The following NFATC2 variants were observed in gnomAD, a reference collection of about 807,000 sequenced individuals.
NFATC2 encodes the protein nuclear factor of activated T-cells, cytoplasmic 2.
Under a neutral mutation model 87.3 loss-of-function variants are expected in NFATC2, and 22 were observed. The observed-to-expected ratio is 0.25, with a 90% CI of 0.18 to 0.36. The LOEUF is 0.36. Ranked by LOEUF, NFATC2 falls within the 10% of genes least tolerant of loss-of-function variation. The pLI is 1.00. For missense variants in NFATC2, 1,149 were observed against 1,259.1 expected (o/e 0.91, Z 1.32); for synonymous variants, 565 against 542.2 (o/e 1.04, Z -0.58).
At chr20:51,446,219 C>T (rs1199317039) in intron 6 of NFATC2, among the ~76,000 whole-genome samples, 2 of 152,180 alleles carry the variant, frequency 1.3e-5, no homozygotes, top group Non-Finnish European at 2.9e-5. Flanking sequence ...GAATTCACCT[C>T]GCCAAGAAGG....
At chr20:51,556,148 A>C (rs2076976224) in intron 1 of NFATC2, among the ~76,000 whole-genome samples, 1 of 152,220 alleles carries the variant, frequency 6.6e-6, no homozygotes, top group Non-Finnish European at 1.5e-5. Context: ...AAGGGTCTCC[A>C]GGAGCCACTG....
At chr20:51,489,995 C>T (rs2075854884) in intron 3 of NFATC2, among the ~76,000 whole-genome samples, 1 of 152,190 alleles carries the variant, frequency 6.6e-6, no homozygotes. Flanking sequence ...TTAAAAGGTG[C>T]CAGGCCTGGC....
intron 10 of NFATC2, 79 bp downstream of exon 10, chr20:51,398,564 T>A: frequency 3.3e-6 from 3 of 904,974 alleles, no homozygotes; most frequent in Non-Finnish European, 4.6e-6. Flanking sequence ...TTTCTTATAC[T>A]TTACTTAAAA....
At chr20:51,460,926 C>T (rs987443409) in intron 5 of NFATC2, among the ~76,000 whole-genome samples, 3 of 152,170 alleles carry the variant, frequency 2.0e-5, no homozygotes, top group South Asian at 4.1e-4. Context: ...CCCAATCTCT[C>T]GGGCAGAGGC....
intron 9 of NFATC2, among the ~76,000 whole-genome samples, chr20:51,424,332 C>A (rs1600702825): frequency 6.6e-6 from 1 of 152,186 alleles, no homozygotes; most frequent in Admixed American, 6.5e-5. Context: ...CCTGGCTCTT[C>A]GTCAGAGCCT....
rs1254898046 is a variant in NFATC2, at chr20:51,432,115, C to T, written c.2674G>A (p.Val892Met). Residue 892 changes from valine to methionine, a missense_variant, in exon 9 of 11, where the codon GTG becomes ATG. Val to Met is a conservative substitution (Grantham distance 21, BLOSUM62 1). This residue lies in a region of NFATC2 where 581 missense variants were observed against 649.7 expected (regional missense o/e 0.89). Transcript: ENST00000371564. The surrounding 1 kb of genome is among the most constrained non-coding windows in gnomAD (Gnocchi z 4.6). Reference sequence around the variant, plus strand: ...AAGTTCTGCTCCTGTTTAATGGTCACCCCCGCAGGTAATACTTCCTTTTGG... The same window carrying T: ...AAGTTCTGCTCCTGTTTAATGGTCATCCCCGCAGGTAATACTTCCTTTTGG... ...SDQKEVLPAG[V>M]TIKQEQNLDQ... The T allele has an allele frequency of 1.9e-6, 3 of 1,564,388 alleles. No individual in the cohort carries two copies. The highest frequency in any genetic ancestry group is 2.6e-6 in the Non-Finnish European group (3 of 1,151,880).
At chr20:51,422,967 T>C (rs553480410) in intron 9 of NFATC2, among the ~76,000 whole-genome samples, 1 of 151,432 alleles carries the variant, frequency 6.6e-6, no homozygotes, top group Non-Finnish European at 1.5e-5. Context: ...AGCGCTGATA[T>C]TAGAAAGTTA....
chr20:51,535,360 A>G (rs1375874932), intron 1 of NFATC2, among the ~76,000 whole-genome samples: 2 of 152,244 alleles, frequency 1.3e-5, no homozygotes, highest in African/African-American at 2.4e-5. Context: ...CCCCTCGCAC[A>G]GCCTGAAAGG....
Position 51,454,683 on chromosome 20 carries a change from G to T in NFATC2, c.1714C>A (p.Arg572=). The part of the protein sequence containing the change: ...TASNPIECSQ[R]SAHELPMVER... Reference sequence around the variant, plus strand: ...ACCATGGGCAGCTCGTGAGCAGATCGCTGGGCTGCAGGCAAAAGAGAGAGA... The same window carrying T: ...ACCATGGGCAGCTCGTGAGCAGATCTCTGGGCTGCAGGCAAAAGAGAGAGA... Residue 572 remains arginine, a synonymous_variant, in exon 6 of 11, where the codon CGA becomes AGA. Transcript: ENST00000371564. The T allele has an allele frequency of 6.2e-7, 1 of 1,613,818 alleles. No homozygotes were observed. The highest frequency in any genetic ancestry group is 1.1e-5 in the South Asian group (1 of 91,060).
chr20:51,437,235 T>C (rs552191310), intron 6 of NFATC2, among the ~76,000 whole-genome samples: 5 of 152,364 alleles, frequency 3.3e-5, no homozygotes, highest in African/African-American at 1.2e-4. Context: ...CCAGGGTGTT[T>C]TGTGGAACAC....
At chr20:51,540,765 C>A (rs1051453927) in intron 1 of NFATC2, among the ~76,000 whole-genome samples, 2 of 148,360 alleles carry the variant, frequency 1.3e-5, no homozygotes, top group African/African-American at 5.0e-5. Flanking sequence ...ATAAAAAGTA[C>A]CTCCCTTCAG....
In NFATC2 at chr20:51,413,908, A is replaced by G. The variant is rs537310325; in HGVS notation, c.2723-15178T>C. On this transcript the variant is annotated intron_variant, in intron 9 of 10. Coordinates refer to ENST00000371564, the MANE Select transcript of NFATC2 (RefSeq NM_012340.5). ...ATAAAATGCCTCTGCGGCTGCCATG[A>G]GGGTTAAATGAGCTAATGCAGCAAA... Among the ~76,000 whole-genome samples, 171 of 152,348 alleles carry G rather than the reference A, an allele frequency of 1.1e-3. 3 individuals carry two copies. In the South Asian group the frequency reaches 0.017, roughly 15 times the overall value.
chr20:51,427,712 T>A (rs116067556), intron 9 of NFATC2, among the ~76,000 whole-genome samples: 28,267 of 151,944 alleles, frequency 0.19, 3,598 homozygotes, highest in East Asian at 0.36. Context: ...TGAAACACTC[T>A]TCCCTCAGAC....
At chr20:51,457,239 A>T (rs1310807682) in intron 5 of NFATC2, among the ~76,000 whole-genome samples, 1 of 152,224 alleles carries the variant, frequency 6.6e-6, no homozygotes, top group Non-Finnish European at 1.5e-5. Flanking sequence ...CCTTTGATGA[A>T]ACTGGGGAGC....
At chr20:51,430,339 G>A (rs1036265970) in intron 9 of NFATC2, among the ~76,000 whole-genome samples, 2 of 152,148 alleles carry the variant, frequency 1.3e-5, no homozygotes, top group South Asian at 2.1e-4. Context: ...GATCCTCCAC[G>A]TTCTGCCTTA....
At chr20:51,542,755 G>GC (rs1017683207), upstream of NFATC2, 1 of 395,208 alleles carries the variant, frequency 2.5e-6, no homozygotes, top group Middle Eastern at 1.1e-3. Context: ...GAGGCGGGGG[G>GC]GGGGGGGGCG....
intron 9 of NFATC2, among the ~76,000 whole-genome samples, chr20:51,399,948 T>G (rs982735613): frequency 6.6e-6 from 1 of 152,182 alleles, no homozygotes; most frequent in African/African-American, 2.4e-5. Flanking sequence ...CTGCCCAAAC[T>G]TCACAGGGCC....
chr20:51,522,834 C>G (rs561908051), intron 2 of NFATC2, among the ~76,000 whole-genome samples: 1 of 152,302 alleles, frequency 6.6e-6, no homozygotes, highest in African/African-American at 2.4e-5. Flanking sequence ...TTACATTTAT[C>G]ATGACTGCAT....
At chr20:51,526,190 G>C (rs900681774) in intron 1 of NFATC2, among the ~76,000 whole-genome samples, 7 of 152,106 alleles carry the variant, frequency 4.6e-5, no homozygotes, top group Admixed American at 1.3e-4. Context: ...CGTCGCACCA[G>C]GTATCTGTTT....
Sources: gnomAD v4.1 joint callset for allele counts (sites outside exome capture counted in the v4.1 genomes callset) on GRCh38, gnomAD v4.1.1 for gene constraint, gnomAD v4.1.1 regional missense constraint, Gnocchi (gnomAD v3.1) non-coding constraint, MANE v1.5 for transcripts, NCBI Gene and HGNC (gene_info 2026-07-23, HGNC 2026-07-21) for gene names.